Variants in SIPA1L3 observed in about 807,000 individuals in gnomAD.
The protein encoded by SIPA1L3 is signal-induced proliferation-associated 1-like protein 3.
A neutral mutation model predicts 150.1 loss-of-function variants in SIPA1L3; 59 were observed. The observed-to-expected ratio is 0.39, with a 90% CI of 0.32 to 0.49. The LOEUF is 0.49. SIPA1L3 is among the 20% of genes least tolerant of loss of function. The pLI is 0.86. For missense variants in SIPA1L3, 2,211 were observed against 2,489.5 expected, an observed-to-expected ratio of 0.89 and a Z score of 2.38; for synonymous variants, 1,070 against 1,077.6, an observed-to-expected ratio of 0.99 and a Z score of 0.14.
chr19:38,086,332 T>TA (rs564216584), intron 3 of SIPA1L3, among the ~76,000 whole-genome samples: 138 of 148,216 alleles, frequency 9.3e-4, no homozygotes, highest in African/African-American at 2.1e-3. Context: ...CCTGGAGCTT[T>TA]AAAAAAAAAA....
intron 20 of SIPA1L3, among the ~76,000 whole-genome samples, chr19:38,203,235 G>A (rs557621147): frequency 2.6e-5 from 4 of 152,324 alleles, no homozygotes; most frequent in Non-Finnish European, 5.9e-5. Context: ...GAGCAGCATG[G>A]GCTGTGGGAA....
intron 6 of SIPA1L3, among the ~76,000 whole-genome samples, chr19:38,103,891 G>T (rs1970562836): frequency 8.7e-6 from 1 of 114,898 alleles, no homozygotes; most frequent in Non-Finnish European, 1.6e-5. Context: ...GATACAGCGA[G>T]ACTCCATATC....
intron 2 of SIPA1L3, among the ~76,000 whole-genome samples, chr19:38,039,153 G>A (rs1968854652): frequency 6.6e-6 from 1 of 152,018 alleles, no homozygotes; most frequent in Non-Finnish European, 1.5e-5. Context: ...AAAGTGCTAG[G>A]ATTACAGGCA....
intron 12 of SIPA1L3, among the ~76,000 whole-genome samples, chr19:38,152,287 A>G (rs1004023530): frequency 6.6e-6 from 1 of 152,150 alleles, no homozygotes; most frequent in Non-Finnish European, 1.5e-5. Flanking sequence ...GAGAAGAAGG[A>G]CCTACTGTTA....
chr19:38,164,801 C>T lies in SIPA1L3; in HGVS notation c.4103C>T (p.Ala1368Val), dbSNP rs1448341051. Reference sequence around the variant, plus strand: ...CGGCGGGAGGTCTCCCCTGCCCCCGCAGTTGCCGGCCAAAGCAAGGGCTAC... The same window carrying T: ...CGGCGGGAGGTCTCCCCTGCCCCCGTAGTTGCCGGCCAAAGCAAGGGCTAC... ...DRRREVSPAP[A>V]VAGQSKGYRP... Residue 1368 changes from alanine to valine, a missense_variant, in exon 15 of 22, where the codon GCA (alanine) becomes GTA (valine). By Grantham distance (64) the Ala-to-Val change is moderately conservative. Coordinates refer to ENST00000222345, the MANE Select transcript of SIPA1L3 (RefSeq NM_015073.3). This position sits in a 1 kb window ranked among gnomAD's most constrained non-coding sequence, Gnocchi z 4.1. 6.2e-7 allele frequency: 1 copy of T among 1,611,666 alleles called. No homozygotes were observed. Among genetic ancestry groups the T allele is most frequent in the East Asian group, 2.2e-5 (1 of 44,806 alleles).
At chr19:37,991,871 C>T (rs2059126568) in intron 1 of SIPA1L3, among the ~76,000 whole-genome samples, 1 of 152,198 alleles carries the variant, frequency 6.6e-6, no homozygotes, top group South Asian at 2.1e-4. Context: ...CTTGGAGTCA[C>T]ACTGCAGGCA....
At chr19:37,977,218 G>T (rs1354629488) in intron 1 of SIPA1L3, among the ~76,000 whole-genome samples, 1 of 152,030 alleles carries the variant, frequency 6.6e-6, no homozygotes, top group Non-Finnish European at 1.5e-5. Context: ...AGGCTGGAGT[G>T]CAGTGGTGTG....
At chr19:37,955,108 A>G (rs1326022468) in intron 1 of SIPA1L3, among the ~76,000 whole-genome samples, 2 of 150,208 alleles carry the variant, frequency 1.3e-5, no homozygotes, top group African/African-American at 2.5e-5. Flanking sequence ...AAAAAAAAAA[A>G]AGGCCAGGCA....
At chr19:38,071,703 G>A (rs1440740633) in intron 2 of SIPA1L3, among the ~76,000 whole-genome samples, 1 of 152,208 alleles carries the variant, frequency 6.6e-6, no homozygotes, top group Non-Finnish European at 1.5e-5. Context: ...TCCCAGGTAA[G>A]GGCTGCTTTG....
intron 1 of SIPA1L3, among the ~76,000 whole-genome samples, chr19:38,013,535 C>T (rs1968158134): frequency 6.6e-6 from 1 of 152,336 alleles, no homozygotes; most frequent in East Asian, 1.9e-4. Context: ...ACCCATGTCA[C>T]ACATGTTCTT....
At chr19:37,991,440 C>T (rs1166960572) in intron 1 of SIPA1L3, among the ~76,000 whole-genome samples, 1 of 152,166 alleles carries the variant, frequency 6.6e-6, no homozygotes, top group Non-Finnish European at 1.5e-5. Flanking sequence ...GCAGACATTC[C>T]CATTCCTGGT....
intron 1 of SIPA1L3, among the ~76,000 whole-genome samples, chr19:37,979,983 G>T (rs1967164556): frequency 6.6e-6 from 1 of 152,216 alleles, no homozygotes. Context: ...GCCAGGGCAG[G>T]TCTAGGCCTG....
intron 1 of SIPA1L3, among the ~76,000 whole-genome samples, chr19:37,925,990 A>G (rs1465649594): frequency 1.3e-5 from 2 of 152,178 alleles, no homozygotes; most frequent in Non-Finnish European, 2.9e-5. Flanking sequence ...AGAGACCACC[A>G]CAATTCCAGT....
rs1180905878 is a variant in SIPA1L3 at position 38,063,640 on chromosome 19, A to G, written c.-310-17616A>G. 9.2e-5 allele frequency among the ~76,000 whole-genome samples: 14 copies of G among 152,170 alleles called. No individual in the cohort carries two copies. The East Asian group carries it at 2.5e-3, about 27-fold the overall frequency. On this transcript the variant is annotated intron_variant, in intron 2 of 21. Coordinates refer to ENST00000222345, the MANE Select transcript of SIPA1L3 (RefSeq NM_015073.3). ...CTTCTAAAGGAGGCTTGGCCTGGCC[A>G]CAGGAGTGAGCCCTGGAGGAGGGCG... is the stretch of plus-strand genomic sequence containing the variant.
At chr19:38,033,692 T>A (rs201443191) in intron 2 of SIPA1L3, among the ~76,000 whole-genome samples, 1 of 113,908 alleles carries the variant, frequency 8.8e-6, no homozygotes, top group Non-Finnish European at 2.0e-5. Context: ...TGTGTGTGTG[T>A]GTGTGTGCGT....
At chr19:38,052,119 C>G (rs918525458) in intron 2 of SIPA1L3, among the ~76,000 whole-genome samples, 1 of 152,152 alleles carries the variant, frequency 6.6e-6, no homozygotes, top group African/African-American at 2.4e-5. Context: ...GCCTGTACAT[C>G]GTGGAAGAGA....
chr19:38,106,858 C>T (rs1970634164), intron 7 of SIPA1L3, among the ~76,000 whole-genome samples: 1 of 152,224 alleles, frequency 6.6e-6, no homozygotes, highest in Non-Finnish European at 1.5e-5. Context: ...GGCGCCCTGC[C>T]CAGCCCCAGC....
At chr19:38,124,922 G>C (rs1040644348) in intron 9 of SIPA1L3, among the ~76,000 whole-genome samples, 4 of 151,508 alleles carry the variant, frequency 2.6e-5, no homozygotes, top group Admixed American at 1.3e-4. Context: ...GAATCAGGCA[G>C]GGAGGTTGCA....
chr19:37,914,104 A>C (rs958590371), intron 1 of SIPA1L3, among the ~76,000 whole-genome samples: 1 of 151,296 alleles, frequency 6.6e-6, no homozygotes, highest in African/African-American at 2.4e-5. Flanking sequence ...TAACAGGGTA[A>C]GTGGAGAGCA....
Sources: allele counts gnomAD v4.1 joint callset (sites outside exome capture counted in the v4.1 genomes callset), GRCh38; gene constraint gnomAD v4.1.1; non-coding constraint Gnocchi (gnomAD v3.1); transcripts MANE v1.5; gene names NCBI Gene and HGNC (gene_info 2026-07-23, HGNC 2026-07-21).